Variants in FSTL1 observed in about 807,000 individuals in gnomAD.
FSTL1 encodes the protein follistatin like 1.
A neutral mutation model predicts 45.9 loss-of-function variants in FSTL1; 24 were observed. The observed-to-expected ratio is 0.52, with a 90% CI of 0.38 to 0.74. The LOEUF (loss-of-function observed/expected upper bound fraction) is 0.74. Among genes scored for constraint, FSTL1 ranks in the 30% least tolerant of loss-of-function variants. FSTL1 has a pLI of 0.00. For synonymous variants in FSTL1, 120 were observed against 137.6 expected (o/e 0.87, Z 0.89); for missense variants, 340 against 381.8 (o/e 0.89, Z 0.91).
intron 3 of FSTL1, 72 bp from the exon 4 acceptor site, chr3:120,412,055 A>G: frequency 1.5e-6 from 1 of 646,666 alleles, no homozygotes; most frequent in Non-Finnish European, 2.5e-6. Context: ...ACACACATAC[A>G]TGCACACACA....
At chr3:120,448,002 C>G (rs1437620659) in intron 2 of FSTL1, among the ~76,000 whole-genome samples, 1 of 152,188 alleles carries the variant, frequency 6.6e-6, no homozygotes, top group Non-Finnish European at 1.5e-5. Context: ...ATGGGATTGA[C>G]ATAGACTGGC....
rs200274599 is a variant in FSTL1 at position 120,411,838 on chromosome 3, T to G, written c.298+16A>C. 2 of 1,610,190 alleles carry G rather than the reference T, an allele frequency of 1.2e-6. No individual in the cohort carries two copies. The highest frequency in any genetic ancestry group is 4.5e-5 in the East Asian group (2 of 44,748). ...CGTGGCTAAAGCTGCCTTGCAGTGG[T>G]GAGAGCACACCTTACCTTTGCAGTG... On this transcript the variant is annotated intron_variant, in intron 4 of 10. Transcript: ENST00000295633.
intron 2 of FSTL1, among the ~76,000 whole-genome samples, chr3:120,424,711 C>A (rs1256317319): frequency 1.3e-5 from 2 of 152,042 alleles, no homozygotes; most frequent in African/African-American, 4.8e-5. Context: ...CGAGGTCTGG[C>A]AACATCCTGA....
chr3:120,432,224 TAC>T (rs1411091995), intron 2 of FSTL1, among the ~76,000 whole-genome samples: 1 of 152,194 alleles, frequency 6.6e-6, no homozygotes, highest in Admixed American at 6.5e-5. Flanking sequence ...CTTTCAATAT[TAC>T]ACACACACAA....
intron 9 of FSTL1, chr3:120,400,208 C>T (rs1936793872): frequency 2.0e-6 from 1 of 495,306 alleles, no homozygotes; most frequent in African/African-American, 1.9e-5. Flanking sequence ...CTGCTTAGCA[C>T]ATCCCAGCCA....
intron 2 of FSTL1, among the ~76,000 whole-genome samples, chr3:120,422,632 A>C (rs78782527): frequency 0.02 from 3,038 of 152,266 alleles, 103 homozygotes; most frequent in African/African-American, 0.07. Flanking sequence ...CAGATAAGAG[A>C]TATATCGCCT....
At chr3:120,414,002 C>T (rs1030423465) in intron 3 of FSTL1, among the ~76,000 whole-genome samples, 1 of 151,964 alleles carries the variant, frequency 6.6e-6, no homozygotes, top group Admixed American at 6.5e-5. Context: ...AGGCCGGTCT[C>T]CAGCCCCTAA....
At chr3:120,407,376 C>T (rs1936966943) in intron 6 of FSTL1, among the ~76,000 whole-genome samples, 1 of 152,196 alleles carries the variant, frequency 6.6e-6, no homozygotes, top group South Asian at 2.1e-4. Flanking sequence ...ATTGAGATCA[C>T]ACCCAGATGA....
At chr3:120,403,044 T>C (rs1936858428) in intron 8 of FSTL1, 126 bp from the exon 9 acceptor site, 1 of 750,002 alleles carries the variant, frequency 1.3e-6, no homozygotes, top group Admixed American at 2.0e-5. Context: ...AAGCACTATA[T>C]CTGAGCAAAC....
At chr3:120,427,398 T>G (rs1055889353) in intron 2 of FSTL1, among the ~76,000 whole-genome samples, 2 of 152,234 alleles carry the variant, frequency 1.3e-5, no homozygotes, top group African/African-American at 4.8e-5. Context: ...TCCATCCTTT[T>G]GTAGGACCTA....
At position 120,399,971 on chromosome 3, in the gene FSTL1, A is replaced by G; in HGVS notation, c.806-12T>C. 2 of 1,590,198 alleles carry G rather than the reference A, an allele frequency of 1.3e-6. No homozygotes were observed. Among genetic ancestry groups the G allele is most frequent in the Non-Finnish European group, 1.7e-6 (2 of 1,162,784 alleles). On this transcript the variant is annotated splice_polypyrimidine_tract_variant and intron_variant, in intron 9 of 10. Transcript: ENST00000295633. ...CTTCTGATTCTTTCCTGCAAGAAGAACCAAAGCTCAGAGCAGTAGCAGCTG... is the reference window on the plus strand; with the variant it reads ...CTTCTGATTCTTTCCTGCAAGAAGAGCCAAAGCTCAGAGCAGTAGCAGCTG...
chr3:120,409,785 A>G (rs1169235681), intron 5 of FSTL1, 123 bp from the exon 6 acceptor site: 1 of 782,202 alleles, frequency 1.3e-6, no homozygotes, highest in Non-Finnish European at 2.1e-6. Context: ...CAACACAGGG[A>G]GATAGGATTA....
intron 2 of FSTL1, 45 bp downstream of exon 2, chr3:120,450,639 A>G (rs745328053): frequency 5.8e-6 from 8 of 1,380,794 alleles, no homozygotes; most frequent in South Asian, 5.4e-5. Context: ...CGCAGACCCA[A>G]GAGGCCCCGG....
chr3:120,414,120 TC>T (rs2107656854), intron 3 of FSTL1, among the ~76,000 whole-genome samples: 1 of 152,088 alleles, frequency 6.6e-6, no homozygotes, highest in South Asian at 2.1e-4. Context: ...TGGCGTGATC[TC>T]GGCTCGCTAC....
intron 10 of FSTL1, among the ~76,000 whole-genome samples, chr3:120,397,876 T>TG (rs1378988614): frequency 2.0e-5 from 3 of 152,140 alleles, no homozygotes; most frequent in Non-Finnish European, 4.4e-5. Context: ...AAATGATGAA[T>TG]GGATAACACA....
At chr3:120,432,198 ACT>A (rs1420583853) in intron 2 of FSTL1, among the ~76,000 whole-genome samples, 2 of 152,084 alleles carry the variant, frequency 1.3e-5, no homozygotes, top group South Asian at 2.1e-4. Context: ...TGACTGCTAC[ACT>A]CTCTTACTGC....
intron 2 of FSTL1, among the ~76,000 whole-genome samples, chr3:120,430,102 T>C (rs984921977): frequency 6.6e-6 from 1 of 152,182 alleles, no homozygotes; most frequent in Admixed American, 6.5e-5. Flanking sequence ...GAAATGACTA[T>C]GTTTTAGGCA....
At chr3:120,406,487 C>T (rs1177392049) in intron 6 of FSTL1, among the ~76,000 whole-genome samples, 1 of 152,202 alleles carries the variant, frequency 6.6e-6, no homozygotes, top group Non-Finnish European at 1.5e-5. Context: ...ACCTGGCAAC[C>T]ACAGTCCAGG....
At chr3:120,412,838 GCACACACACACACACA>G (rs71156798) in intron 3 of FSTL1, among the ~76,000 whole-genome samples, 14 of 106,132 alleles carry the variant, frequency 1.3e-4, no homozygotes, top group South Asian at 3.0e-4. Flanking sequence ...GCGCGCGCGC[GCACACACACACACACA>G]CACACACACA....
Sources: gnomAD v4.1 joint callset for allele counts (sites outside exome capture counted in the v4.1 genomes callset) on GRCh38, gnomAD v4.1.1 for gene constraint, MANE v1.5 for transcripts, NCBI Gene and HGNC (gene_info 2026-07-23, HGNC 2026-07-21) for gene names.